TUBB6: variants seen among roughly 807,000 people sequenced by gnomAD.
TUBB6 encodes tubulin beta-6 chain.
A neutral mutation model predicts 32.3 loss-of-function variants in TUBB6; 18 were observed. That is an observed-to-expected ratio of 0.56 (90% confidence interval 0.39 to 0.83). The LOEUF (loss-of-function observed/expected upper bound fraction) is 0.83, where lower values mean the gene tolerates loss of function less well. TUBB6 is among the 40% of genes least tolerant of loss of function. The pLI is 0.00. For synonymous variants in TUBB6, 280 were observed against 265.8 expected, an observed-to-expected ratio of 1.05 and a Z score of -0.52; for missense variants, 480 against 632.0, an observed-to-expected ratio of 0.76 and a Z score of 2.58.
rs1335033529 is a variant in TUBB6 at position 12,325,653 on chromosome 18, G to C, written c.864G>C (p.Glu288Asp). 1.2e-6 allele frequency: 2 copies of C among 1,613,860 alleles called. No homozygotes were observed. Among genetic ancestry groups the C allele is most frequent in the Non-Finnish European group, 1.7e-6 (2 of 1,179,984 alleles). Residue 288 changes from glutamate (E) to aspartate (D), a missense_variant, in exon 4 of 4, where the codon GAG (glutamate) becomes GAC (aspartate). Glu to Asp is a conservative substitution (Grantham distance 45, BLOSUM62 2). Coordinates refer to ENST00000317702, the MANE Select transcript of TUBB6 (RefSeq NM_032525.3). ...AGTACCGGGCCCTGACCGTGCCCGAGCTCACCCAGCAGATGTTCGACGCCA... is the reference window on the plus strand; with the variant it reads ...AGTACCGGGCCCTGACCGTGCCCGACCTCACCCAGCAGATGTTCGACGCCA... The part of the protein sequence containing the change: ...SQQYRALTVP[E>D]LTQQMFDARN...
chr18:12,308,099 C>A, upstream of TUBB6: 1 of 171,504 alleles, frequency 5.8e-6, no homozygotes, highest in South Asian at 1.7e-4. Flanking sequence ...CGACTGGCGC[C>A]CGCGCGTCCT....
At chr18:12,311,742 G>C (rs1196103085) in intron 3 of TUBB6, among the ~76,000 whole-genome samples, 4 of 151,366 alleles carry the variant, frequency 2.6e-5, no homozygotes, top group Admixed American at 6.6e-5. Context: ...TTTTTTTCTT[G>C]CTTCTTCCAC....
intron 3 of TUBB6, 59 bp downstream of exon 3, chr18:12,311,112 T>A (rs1906357238): frequency 7.3e-7 from 1 of 1,377,882 alleles, no homozygotes; most frequent in African/African-American, 1.5e-5. Flanking sequence ...TCAAATATTT[T>A]ATATGCCAGA....
At position 12,312,389 on chromosome 18, in the gene TUBB6, C is replaced by G. The variant is rs539037638; in HGVS notation, c.277+1336C>G. Among the ~76,000 whole-genome samples, 219 of 152,266 alleles carry G rather than the reference C, an allele frequency of 1.4e-3. 1 individual carries two copies. Among genetic ancestry groups the G allele is most frequent in the African/African-American group, 4.8e-3 (198 of 41,522 alleles). On this transcript the variant is annotated intron_variant, in intron 3 of 3. Transcript: ENST00000317702. The stretch of plus-strand genomic sequence containing the variant: ...TGTAATGGTTAGGAGTCTGGCTGTG[C>G]TGCCAGACTCCCTGGGTTTAAATTT...
At chr18:12,318,302 G>A (rs1906781688) in intron 3 of TUBB6, among the ~76,000 whole-genome samples, 1 of 151,252 alleles carries the variant, frequency 6.6e-6, no homozygotes, top group South Asian at 2.1e-4. Context: ...GCTTAGGAAG[G>A]ACGGTGACCA....
rs772248046 is a variant in TUBB6 at position 12,308,668 on chromosome 18, C to T, written c.58-19C>T. 6.4e-6 allele frequency: 10 copies of T among 1,558,586 alleles called. No homozygotes were observed. The African/African-American group carries it at 1.4e-4, about 21-fold the overall frequency. ...CTCTGGGTTCTGAGCGTCTGTCCCC[C>T]CGCCTTGCCCTGCCCAAGTTTTGGG... On this transcript the variant is annotated intron_variant, in intron 1 of 3. Coordinates refer to ENST00000317702, the MANE Select transcript of TUBB6 (RefSeq NM_032525.3).
intron 2 of TUBB6, among the ~76,000 whole-genome samples, chr18:12,310,256 G>A (rs1462416263): frequency 1.3e-5 from 2 of 151,896 alleles, no homozygotes; most frequent in Non-Finnish European, 2.9e-5. Context: ...TTGGGAGGCC[G>A]AGGTGGGCAG....
intron 3 of TUBB6, among the ~76,000 whole-genome samples, chr18:12,323,632 C>G (rs1907101511): frequency 6.6e-6 from 1 of 151,888 alleles, no homozygotes; most frequent in African/African-American, 2.4e-5. Context: ...ATGGTGAAAC[C>G]CCATCTCTAC....
intron 3 of TUBB6, 199 bp from the exon 4 acceptor site, chr18:12,324,868 C>G (rs1169771341): frequency 7.2e-7 from 1 of 1,397,254 alleles, no homozygotes; most frequent in South Asian, 1.8e-5. Flanking sequence ...TAAAATTGAC[C>G]AGTAGCTACT....
chr18:12,320,078 G>A (rs1013504430), intron 3 of TUBB6, among the ~76,000 whole-genome samples: 2 of 151,826 alleles, frequency 1.3e-5, no homozygotes, highest in African/African-American at 2.4e-5. Flanking sequence ...GTGAGCCACC[G>A]TGCCCAGCCA....
At chr18:12,323,673 T>A (rs1241789100) in intron 3 of TUBB6, among the ~76,000 whole-genome samples, 1 of 151,900 alleles carries the variant, frequency 6.6e-6, no homozygotes. Flanking sequence ...CCAGGCGTGG[T>A]GGTGGGTGCC....
At chr18:12,320,931 G>A (rs766642274) in intron 3 of TUBB6, among the ~76,000 whole-genome samples, 4 of 152,334 alleles carry the variant, frequency 2.6e-5, no homozygotes, top group Non-Finnish European at 5.9e-5. Flanking sequence ...GCTATCTCCA[G>A]TAGCTCCCGT....
rs796554618 is a variant in TUBB6 at position 12,322,482 on chromosome 18, G to GT, written c.278-2584dup. 3.0e-4 allele frequency among the ~76,000 whole-genome samples: 46 copies of GT among 152,056 alleles called. 1 individual carries two copies. Among genetic ancestry groups the GT allele is most frequent in the African/African-American group, 1.0e-3 (43 of 41,456 alleles). The stretch of plus-strand genomic sequence containing the variant: ...TGATCCTCCCACCTCAGCCTCCCGA[G>GT]TAGCTGGGACTACAGGCATGCACTA... On this transcript the variant is annotated intron_variant, in intron 3 of 3. Transcript: ENST00000317702.
downstream of TUBB6, chr18:12,329,592 C>T (rs1385104416): frequency 1.2e-6 from 2 of 1,613,986 alleles, no homozygotes; most frequent in Non-Finnish European, 1.7e-6. Context: ...CACCCGGGGG[C>T]TCCTCTTTCT....
chr18:12,312,661 GT>G (rs916988965), intron 3 of TUBB6, among the ~76,000 whole-genome samples: 1 of 150,210 alleles, frequency 6.7e-6, no homozygotes, highest in African/African-American at 2.4e-5. Context: ...AAAAAAGTGG[GT>G]TTTTTTTCTG....
downstream of TUBB6, among the ~76,000 whole-genome samples, chr18:12,327,368 G>C (rs575835527): frequency 1.3e-5 from 2 of 152,178 alleles, no homozygotes; most frequent in Non-Finnish European, 2.9e-5. Context: ...CTTAGGGTTA[G>C]GGTTCCCCAC....
chr18:12,313,505 G>C (rs902869898), intron 3 of TUBB6, among the ~76,000 whole-genome samples: 1 of 152,088 alleles, frequency 6.6e-6, no homozygotes, highest in African/African-American at 2.4e-5. Flanking sequence ...AAACTGCCAG[G>C]GTCCCAGGCA....
intron 3 of TUBB6, among the ~76,000 whole-genome samples, chr18:12,319,502 G>T (rs565204625): frequency 2.0e-5 from 3 of 152,150 alleles, no homozygotes; most frequent in East Asian, 3.9e-4. Context: ...AGCTGATTTT[G>T]TCTGGGGAAA....
At chr18:12,321,678 A>G (rs1906997248) in intron 3 of TUBB6, among the ~76,000 whole-genome samples, 1 of 152,246 alleles carries the variant, frequency 6.6e-6, no homozygotes, top group Non-Finnish European at 1.5e-5. Context: ...ACAAAAGTCA[A>G]GTTGGAGTAA....
Sources: allele counts gnomAD v4.1 joint callset (sites outside exome capture counted in the v4.1 genomes callset), GRCh38; gene constraint gnomAD v4.1.1; transcripts MANE v1.5; gene names NCBI Gene and HGNC (gene_info 2026-07-23, HGNC 2026-07-21).